SOCS2: variants seen among roughly 807,000 people sequenced by gnomAD.
SOCS2 encodes the protein CIS-2.
SOCS2 carries 10 observed loss-of-function variants against 18.6 expected under a neutral mutation model. The ratio of observed to expected loss-of-function variants is 0.54; its 90% CI spans 0.33 to 0.91. The LOEUF (loss-of-function observed/expected upper bound fraction) is 0.91. Ranked by LOEUF, SOCS2 falls within the 40% of genes least tolerant of loss-of-function variation. The pLI is 0.02. For synonymous variants in SOCS2, 104 were observed against 104.0 expected, an observed-to-expected ratio of 1.00 and a Z score of 0.00; for missense variants, 231 against 247.2, an observed-to-expected ratio of 0.93 and a Z score of 0.44.
the SOCS2 span, among the ~76,000 whole-genome samples, chr12:93,614,621 T>TTCTTTCTTTCTTTCTTTCTC: frequency 1.6e-5 from 2 of 126,150 alleles, no homozygotes; most frequent in Non-Finnish European, 3.3e-5. Context: ...CTTTCTTTCT[T>TTCTTTCTTTCTTTCTTTCTC]TCTTTCTTTC....
the SOCS2 span, among the ~76,000 whole-genome samples, chr12:93,618,142 A>ACCCCAATG: frequency 6.6e-6 from 1 of 152,092 alleles, no homozygotes; most frequent in African/African-American, 2.4e-5. Flanking sequence ...TGGCCATGTA[A>ACCCCAATG]GATGTGCCTG....
chr12:93,614,550 TC>T, the SOCS2 span, among the ~76,000 whole-genome samples: 1 of 28,136 alleles, frequency 3.6e-5, no homozygotes, highest in Non-Finnish European at 6.1e-5. Context: ...CTTCTTTCTT[TC>T]TTTCTTTCTT....
chr12:93,599,912 G>A, the SOCS2 span, among the ~76,000 whole-genome samples: 3 of 152,132 alleles, frequency 2.0e-5, no homozygotes, highest in Non-Finnish European at 2.9e-5. Context: ...ATGTTACCCT[G>A]CCTCAGGTAT....
At chr12:93,609,573 A>G in the SOCS2 span, among the ~76,000 whole-genome samples, 2,309 of 151,994 alleles carry the variant, frequency 0.015, 71 homozygotes, top group African/African-American at 0.053. Flanking sequence ...ACTTTAATTT[A>G]TTACCTTTAT....
chr12:93,588,300 T>C (rs1020281781), downstream of SOCS2, among the ~76,000 whole-genome samples: 1 of 152,246 alleles, frequency 6.6e-6, no homozygotes, highest in African/African-American at 2.4e-5. Flanking sequence ...ATTATAGATA[T>C]TAGACTCACT....
At chr12:93,607,507 C>T in the SOCS2 span, among the ~76,000 whole-genome samples, 1 of 152,152 alleles carries the variant, frequency 6.6e-6, no homozygotes, top group African/African-American at 2.4e-5. Flanking sequence ...CACAAGATAC[C>T]TGCTGTAGCC....
the SOCS2 span, among the ~76,000 whole-genome samples, chr12:93,620,422 C>CTT: frequency 1.6e-3 from 242 of 148,862 alleles, 1 homozygote; most frequent in African/African-American, 5.4e-3. Flanking sequence ...CTTTTTTTCT[C>CTT]TTTTTTTTTT....
the SOCS2 span, among the ~76,000 whole-genome samples, chr12:93,590,117 T>TG: frequency 1.3e-5 from 2 of 151,912 alleles, no homozygotes; most frequent in African/African-American, 4.8e-5. Context: ...CCTGGTGTGG[T>TG]GGTGCGCGCC....
chr12:93,587,758 G>T (rs181762034), downstream of SOCS2, among the ~76,000 whole-genome samples: 142 of 152,248 alleles, frequency 9.3e-4, 1 homozygote, highest in African/African-American at 2.9e-3. Flanking sequence ...CCACACGAAG[G>T]TGTGAGAGAA....
At chr12:93,603,234 C>G in the SOCS2 span, among the ~76,000 whole-genome samples, 2 of 152,226 alleles carry the variant, frequency 1.3e-5, no homozygotes, top group Non-Finnish European at 2.9e-5. Context: ...TTAACAACAA[C>G]AGTAAAAAAA....
chr12:93,616,778 G>C, the SOCS2 span, among the ~76,000 whole-genome samples: 41 of 152,344 alleles, frequency 2.7e-4, 1 homozygote, highest in African/African-American at 9.6e-4. Context: ...AACTTTGGCT[G>C]CTTCCCTGTT....
the SOCS2 span, among the ~76,000 whole-genome samples, chr12:93,609,870 G>C: frequency 6.6e-6 from 1 of 152,206 alleles, no homozygotes; most frequent in Admixed American, 6.5e-5. Context: ...AGGCTGGAAA[G>C]TCCAATGTCA....
At chr12:93,600,027 A>G in the SOCS2 span, among the ~76,000 whole-genome samples, 4 of 152,220 alleles carry the variant, frequency 2.6e-5, no homozygotes, top group Admixed American at 6.5e-5. Context: ...TACATTTACA[A>G]TATTACTGTA....
At chr12:93,609,437 T>C in the SOCS2 span, among the ~76,000 whole-genome samples, 1 of 152,100 alleles carries the variant, frequency 6.6e-6, no homozygotes, top group African/African-American at 2.4e-5. Context: ...TAAAATTTAC[T>C]TATTTAGATA....
chr12:93,603,626 T>C, the SOCS2 span, among the ~76,000 whole-genome samples: 3,109 of 152,324 alleles, frequency 0.02, 120 homozygotes, highest in African/African-American at 0.071. Flanking sequence ...ATTATTTTTT[T>C]TAAAGCCATT....
At chr12:93,604,840 T>A in the SOCS2 span, among the ~76,000 whole-genome samples, 1 of 152,036 alleles carries the variant, frequency 6.6e-6, no homozygotes, top group Non-Finnish European at 1.5e-5. Context: ...TTTTTCTTTT[T>A]TGTAGAGACA....
the SOCS2 span, among the ~76,000 whole-genome samples, chr12:93,623,164 T>A: frequency 6.6e-6 from 1 of 152,128 alleles, no homozygotes; most frequent in South Asian, 2.1e-4. Context: ...GGGCAGCTTC[T>A]CCCAGGCTGG....
the SOCS2 span, among the ~76,000 whole-genome samples, chr12:93,614,541 T>TTTCTTTC: frequency 3.4e-5 from 1 of 29,366 alleles, no homozygotes; most frequent in African/African-American, 2.3e-4. Flanking sequence ...CCTTCCTTCC[T>TTTCTTTC]TCTTTCTTTC....
chr12:93,607,901 C>T, the SOCS2 span, among the ~76,000 whole-genome samples: 1 of 151,628 alleles, frequency 6.6e-6, no homozygotes. Flanking sequence ...GGCTTTATTA[C>T]AGTTACGGCT....
Sources: allele counts gnomAD v4.1 joint callset (sites outside exome capture counted in the v4.1 genomes callset), GRCh38; gene constraint gnomAD v4.1.1; transcripts MANE v1.5; gene names NCBI Gene and HGNC (gene_info 2026-07-23, HGNC 2026-07-21).